CRB1: variants seen among roughly 807,000 people sequenced by gnomAD.
CRB1 encodes the protein protein crumbs homolog 1.
Under a neutral mutation model 120.0 loss-of-function variants are expected in CRB1, and 83 were observed. The ratio of observed to expected loss-of-function variants is 0.69; its 90% CI spans 0.58 to 0.83. CRB1 has a LOEUF of 0.83. CRB1 is among the 40% of genes least tolerant of loss of function. The probability of loss-of-function intolerance (pLI) is 0.00; values close to 1 mark genes in which losing one functional copy is unlikely to be tolerated. For missense variants in CRB1, 1,699 were observed against 1,687.6 expected (o/e 1.01, Z -0.12); for synonymous variants, 625 against 612.5 (o/e 1.02, Z -0.30).
At chr1:197,438,856 G>A in intron 10 of CRB1, 181 bp downstream of exon 10, 1 of 617,984 alleles carries the variant, frequency 1.6e-6, no homozygotes, top group Non-Finnish European at 2.7e-6. Flanking sequence ...AGGTCAAAGG[G>A]GAGAACATTT....
chr1:197,426,395 T>A (rs1406398526), intron 6 of CRB1, among the ~76,000 whole-genome samples: 1 of 152,056 alleles, frequency 6.6e-6, no homozygotes, highest in Non-Finnish European at 1.5e-5. Flanking sequence ...CCCTATTCCC[T>A]TTCTCTACCT....
chr1:197,326,021 A>G (rs936102127), intron 1 of CRB1, among the ~76,000 whole-genome samples: 11 of 152,220 alleles, frequency 7.2e-5, no homozygotes, highest in African/African-American at 2.7e-4. Flanking sequence ...AAGACTGAGT[A>G]TACTGATGAT....
chr1:197,343,309 C>A (rs1315720009), intron 2 of CRB1, among the ~76,000 whole-genome samples: 1 of 152,038 alleles, frequency 6.6e-6, no homozygotes, highest in Non-Finnish European at 1.5e-5. Context: ...TATAGATATT[C>A]TTCCTTTTGT....
intron 10 of CRB1, 113 bp downstream of exon 10, chr1:197,438,788 T>C: frequency 7.3e-7 from 1 of 1,366,066 alleles, no homozygotes; most frequent in Non-Finnish European, 1.0e-6. Flanking sequence ...GGAAAATCTA[T>C]GCTGAAATAG....
intron 4 of CRB1, among the ~76,000 whole-genome samples, chr1:197,354,619 G>A (rs779207357): frequency 3.3e-5 from 5 of 152,092 alleles, no homozygotes; most frequent in Non-Finnish European, 5.9e-5. Flanking sequence ...TCGTGGTCTT[G>A]TTGGTCTCAG....
chr1:197,284,811 T>TAA (rs148987226), intron 1 of CRB1, among the ~76,000 whole-genome samples: 1 of 151,854 alleles, frequency 6.6e-6, no homozygotes, highest in African/African-American at 2.4e-5. Flanking sequence ...TATTGTAATT[T>TAA]AAAAAAATAA....
At chr1:197,327,098 A>AT (rs1255267454) in intron 1 of CRB1, among the ~76,000 whole-genome samples, 1 of 44,364 alleles carries the variant, frequency 2.3e-5, no homozygotes, top group African/African-American at 1.1e-4. Context: ...CACCAAAAAA[A>AT]AAAAAAAAAA....
chr1:197,394,755 T>C (rs1389995961), intron 5 of CRB1, among the ~76,000 whole-genome samples: 2 of 152,200 alleles, frequency 1.3e-5, no homozygotes, highest in Admixed American at 1.3e-4. Flanking sequence ...ACTATTTCTG[T>C]TTAATGACAG....
Position 197,435,295 on chromosome 1 carries a change from C to T in CRB1, c.3432C>T (p.Asn1144=), listed in dbSNP as rs199596437. 1 of 1,613,844 alleles carries T rather than the reference C, an allele frequency of 6.2e-7. No individual in the cohort carries two copies. The highest frequency in any genetic ancestry group is 2.2e-5 in the East Asian group (1 of 44,884). Reference sequence around the variant, plus strand: ...GCTGTTTGCAGTTAAATGTCTGCAACTCCAACCCCTGTTTGCATGGAGGAA... The same window carrying T: ...GCTGTTTGCAGTTAAATGTCTGCAATTCCAACCCCTGTTTGCATGGAGGAA... ...VTGCLQLNVC[N]SNPCLHGGNC... Residue 1144 remains asparagine, a synonymous_variant, in exon 9 of 12, where the codon AAC becomes AAT. Transcript: ENST00000367400.
chr1:197,439,422 AAAG>A (rs1220201366), intron 10 of CRB1: 2 of 152,226 alleles, frequency 1.3e-5, no homozygotes, highest in South Asian at 2.1e-4. Context: ...ATAGCTCTGT[AAAG>A]AAGGTTTCAT....
chr1:197,403,626 GT>G (rs897261985), intron 5 of CRB1, among the ~76,000 whole-genome samples: 18 of 148,782 alleles, frequency 1.2e-4, no homozygotes, highest in South Asian at 8.6e-4. Flanking sequence ...CCCTGCTGAT[GT>G]TTTTTTTTTC....
intron 5 of CRB1, among the ~76,000 whole-genome samples, chr1:197,388,371 G>A (rs966707852): frequency 4.6e-5 from 7 of 151,728 alleles, no homozygotes; most frequent in African/African-American, 9.7e-5. Flanking sequence ...AAACATTTTC[G>A]GGAGACTAAG....
chr1:197,367,556 C>T (rs1661140691), intron 5 of CRB1, among the ~76,000 whole-genome samples: 1 of 152,168 alleles, frequency 6.6e-6, no homozygotes. Context: ...CTGTTCTAAC[C>T]AGCCAAGTGA....
intron 1 of CRB1, among the ~76,000 whole-genome samples, chr1:197,312,443 C>T (rs369824877): frequency 1.9e-4 from 29 of 152,078 alleles, no homozygotes; most frequent in African/African-American, 2.9e-4. Flanking sequence ...AAAAGCTGGG[C>T]GTGGTGGCAG....
the CRB1 span, among the ~76,000 whole-genome samples, chr1:197,239,153 T>C: frequency 6.6e-6 from 1 of 152,138 alleles, no homozygotes; most frequent in Non-Finnish European, 1.5e-5. Flanking sequence ...TATCCGGGTA[T>C]ATCTTCCATG....
the CRB1 span, among the ~76,000 whole-genome samples, chr1:197,227,962 C>T: frequency 4.6e-5 from 7 of 152,210 alleles, no homozygotes; most frequent in South Asian, 2.1e-4. Flanking sequence ...TTGGGGCTTA[C>T]GTCCTCTGAA....
At chr1:197,298,782 A>G (rs1656690908) in intron 1 of CRB1, among the ~76,000 whole-genome samples, 1 of 152,152 alleles carries the variant, frequency 6.6e-6, no homozygotes, top group Admixed American at 6.6e-5. Flanking sequence ...TGGGAACAGA[A>G]CAAATGGCAT....
At chr1:197,337,834 C>T (rs1401599956) in intron 2 of CRB1, among the ~76,000 whole-genome samples, 8 of 151,766 alleles carry the variant, frequency 5.3e-5, no homozygotes, top group African/African-American at 1.9e-4. Context: ...TATGTGTAGG[C>T]AAGAATTCAA....
chr1:197,354,631 A>G (rs1660332990), intron 4 of CRB1, among the ~76,000 whole-genome samples: 1 of 152,040 alleles, frequency 6.6e-6, no homozygotes, highest in South Asian at 2.1e-4. Flanking sequence ...TGGTCTCAGG[A>G]GTGAAGCTGC....
Sources: gnomAD v4.1 joint callset for allele counts (sites outside exome capture counted in the v4.1 genomes callset) on GRCh38, gnomAD v4.1.1 for gene constraint, MANE v1.5 for transcripts, NCBI Gene and HGNC (gene_info 2026-07-23, HGNC 2026-07-21) for gene names.